RBM33: variants seen among roughly 807,000 people sequenced by gnomAD.
RBM33 encodes the protein RNA-binding protein 33.
In RBM33, 28 loss-of-function variants were observed where a neutral mutation model predicts 132.6. That is an observed-to-expected ratio of 0.21 (90% CI 0.16 to 0.29). RBM33 has a LOEUF of 0.29. Ranked by LOEUF, RBM33 falls within the 10% of genes least tolerant of loss-of-function variation. The pLI is 1.00. For synonymous variants in RBM33, 634 were observed against 593.0 expected (o/e 1.07, Z -1.01); for missense variants, 1,291 against 1,518.5 (o/e 0.85, Z 2.49).
intron 3 of RBM33, among the ~76,000 whole-genome samples, chr7:155,673,763 TGC>T (rs1491204659): frequency 4.6e-4 from 18 of 39,306 alleles, no homozygotes; most frequent in Admixed American, 4.2e-3. Flanking sequence ...TACGCGCGCA[TGC>T]GCGCACACAC....
intron 2 of RBM33, among the ~76,000 whole-genome samples, chr7:155,670,806 T>A (rs960117225): frequency 3.9e-5 from 6 of 152,242 alleles, no homozygotes. Context: ...CTGTTTCTCA[T>A]TAGTCATGAA....
intron 2 of RBM33, among the ~76,000 whole-genome samples, chr7:155,670,761 CTGT>C (rs1368930196): frequency 2.6e-5 from 4 of 152,328 alleles, no homozygotes; most frequent in African/African-American, 9.6e-5. Flanking sequence ...TTTATACTTG[CTGT>C]TGTTCTGTAC....
chr7:155,763,317 G>C (rs1355350787), intron 14 of RBM33, among the ~76,000 whole-genome samples: 1 of 152,222 alleles, frequency 6.6e-6, no homozygotes, highest in Non-Finnish European at 1.5e-5. Context: ...GGTGGAAGGC[G>C]CCGTGATGGG....
At chr7:155,759,946 C>T (rs964839863) in intron 14 of RBM33, among the ~76,000 whole-genome samples, 1 of 152,174 alleles carries the variant, frequency 6.6e-6, no homozygotes, top group Non-Finnish European at 1.5e-5. Context: ...CTTTCTGCCA[C>T]GTGACACTTC....
chr7:155,658,716 C>T (rs887333025), intron 1 of RBM33, among the ~76,000 whole-genome samples: 1 of 152,108 alleles, frequency 6.6e-6, no homozygotes, highest in Admixed American at 6.5e-5. Context: ...TGTTTTTAAT[C>T]CTCTCTGCCA....
intron 2 of RBM33, among the ~76,000 whole-genome samples, chr7:155,666,858 A>G (rs1798815489): frequency 1.3e-5 from 2 of 152,300 alleles, no homozygotes; most frequent in African/African-American, 2.4e-5. Flanking sequence ...TAGATTTTTG[A>G]GAAGAATACA....
At chr7:155,707,430 A>G in intron 7 of RBM33, 1 of 398,234 alleles carries the variant, frequency 2.5e-6, no homozygotes, top group Non-Finnish European at 5.0e-6. Flanking sequence ...GATAGAATTT[A>G]GGCAGAAGTT....
At chr7:155,672,604 A>G (rs1798972804) in intron 2 of RBM33, among the ~76,000 whole-genome samples, 1 of 152,064 alleles carries the variant, frequency 6.6e-6, no homozygotes, top group Admixed American at 6.5e-5. Context: ...AAGATACACA[A>G]AATTAGCCGG....
rs1801348103 is a variant in RBM33 at position 155,741,872 on chromosome 7, T to G, written c.2103T>G (p.Thr701=). 1 of 1,614,044 alleles carries G rather than the reference T, an allele frequency of 6.2e-7. No homozygotes were observed. Among genetic ancestry groups the G allele is most frequent in the Non-Finnish European group, 8.5e-7 (1 of 1,179,884 alleles). The change falls in exon 13 of 18, where the codon ACT becomes ACG. Residue 701 remains threonine, a synonymous_variant. Coordinates refer to ENST00000401878, the MANE Select transcript of RBM33 (RefSeq NM_053043.3). ...GGCCCATGCAGCAAATGCAGCCCACTGCGCCAAGGAACAGCAATTTGCGTG... is the reference window on the plus strand; with the variant it reads ...GGCCCATGCAGCAAATGCAGCCCACGGCGCCAAGGAACAGCAATTTGCGTG... ...SKRPMQQMQP[T]APRNSNLREL...
At chr7:155,760,841 A>G (rs975512741) in intron 14 of RBM33, among the ~76,000 whole-genome samples, 2 of 152,172 alleles carry the variant, frequency 1.3e-5, no homozygotes, top group Non-Finnish European at 2.9e-5. Context: ...CTTGTGGAGA[A>G]GATTTAAGAG....
chr7:155,651,447 CTTTG>C (rs1305357586), intron 1 of RBM33, among the ~76,000 whole-genome samples: 2 of 151,942 alleles, frequency 1.3e-5, no homozygotes, highest in African/African-American at 4.8e-5. Flanking sequence ...ATTTTCTCCT[CTTTG>C]TTTGACATTT....
At chr7:155,661,768 A>G (rs932278880) in intron 1 of RBM33, among the ~76,000 whole-genome samples, 1 of 151,926 alleles carries the variant, frequency 6.6e-6, no homozygotes, top group Non-Finnish European at 1.5e-5. Flanking sequence ...CGGTTTTTTG[A>G]TCATGGTTTC....
chr7:155,759,468 A>T (rs1388444118), intron 14 of RBM33, among the ~76,000 whole-genome samples: 1 of 131,818 alleles, frequency 7.6e-6, no homozygotes, highest in Non-Finnish European at 1.5e-5. Context: ...CCCAGGCTGG[A>T]GTGCAGTGGT....
At chr7:155,697,099 T>G (rs1260870972) in intron 5 of RBM33, among the ~76,000 whole-genome samples, 1 of 152,184 alleles carries the variant, frequency 6.6e-6, no homozygotes, top group African/African-American at 2.4e-5. Flanking sequence ...CCTTATTCAG[T>G]TCTTTGGAAA....
rs1342949859 is a variant in RBM33 at position 155,701,084 on chromosome 7, G to A, written c.739+140G>A. Reference sequence around the variant, plus strand: ...GTCCGGAGAGTGGCCGGACTTTGGAGTGAGTGCTGTTTATGGTACTGTAAA... The same window carrying A: ...GTCCGGAGAGTGGCCGGACTTTGGAATGAGTGCTGTTTATGGTACTGTAAA... On this transcript the variant is annotated intron_variant, in intron 6 of 17. Transcript: ENST00000401878. 5 of 718,360 alleles carry A rather than the reference G, an allele frequency of 7.0e-6. No individual in the cohort carries two copies. In the East Asian group the frequency reaches 1.3e-4, roughly 19 times the overall value. The allele number at this position is 718,360 out of a possible 1,614,324, so 44.5% of individuals were successfully genotyped here. A position where few individuals can be genotyped will look rare whatever the true frequency, so the allele number is the denominator to read the frequency against.
rs1196608970 is a variant in RBM33 at position 155,738,134 on chromosome 7, A to C, written c.1468A>C (p.Thr490Pro). The change falls in exon 11 of 18, where the codon ACC becomes CCC. Residue 490 changes from threonine to proline, a missense_variant. Physicochemically the swap from Thr to Pro is conservative, Grantham distance 38. Coordinates refer to ENST00000401878, the MANE Select transcript of RBM33 (RefSeq NM_053043.3). ...RSPPPPPPPP[T>P]LLNSSHPVPT... ...TCCCCCTCCACCACCACCGCCTCCT[A>C]CCCTTCTTAACAGTAGCCATCCTGT... The C allele has an allele frequency of 1.2e-6, 2 of 1,613,808 alleles. No individual in the cohort carries two copies. Among genetic ancestry groups the C allele is most frequent in the Non-Finnish European group, 1.7e-6 (2 of 1,179,842 alleles).
In RBM33 at chr7:155,680,844, A is replaced by G. The variant is rs1799319185; in HGVS notation, c.503A>G (p.Glu168Gly). ...DQIEYVEEPE[E>G]EQLYTDEVLD... ...ATAGAATATGTGGAAGAGCCAGAGG[A>G]GGAGCAGCTTTACACTGATGAAGTG... Residue 168 changes from glutamate to glycine, a missense_variant, in exon 5 of 18, where the codon GAG (glutamate) becomes GGG (glycine). This residue lies in a region of RBM33 where 194 missense variants were observed against 249.8 expected (regional missense o/e 0.78). Transcript: ENST00000401878. 1 of 1,613,802 alleles carries G rather than the reference A, an allele frequency of 6.2e-7. No homozygotes were observed. Among genetic ancestry groups the G allele is most frequent in the African/African-American group, 1.3e-5 (1 of 74,930 alleles).
At position 155,738,352 on chromosome 7, in the gene RBM33, G is replaced by T; in HGVS notation, c.1686G>T (p.Leu562=). 2.5e-6 allele frequency: 4 copies of T among 1,613,930 alleles called. No homozygotes were observed. The highest frequency in any genetic ancestry group is 3.4e-6 in the Non-Finnish European group (4 of 1,179,858). ...TCATTCCTCCTAGACAGCCGTTCCTGCCAGGCCCAGGACAGCCGTTTCTGC... is the reference window on the plus strand; with the variant it reads ...TCATTCCTCCTAGACAGCCGTTCCTTCCAGGCCCAGGACAGCCGTTTCTGC... ...RPFIPPRQPF[L]PGPGQPFLPT... Residue 562 remains leucine, a synonymous_variant, in exon 11 of 18, where the codon CTG becomes CTT. Transcript: ENST00000401878.
intron 1 of RBM33, 57 bp downstream of exon 1, chr7:155,644,976 T>C: frequency 7.3e-7 from 1 of 1,372,318 alleles, no homozygotes; most frequent in Non-Finnish European, 9.6e-7. Flanking sequence ...GGCGGGGGTG[T>C]AGGCCGGGGG....
Sources: allele counts gnomAD v4.1 joint callset (sites outside exome capture counted in the v4.1 genomes callset), GRCh38; gene constraint gnomAD v4.1.1; regional missense constraint gnomAD v4.1.1; transcripts MANE v1.5; gene names NCBI Gene and HGNC (gene_info 2026-07-23, HGNC 2026-07-21).